The following MACROD2 variants were observed in gnomAD, a reference collection of about 807,000 sequenced individuals.
MACROD2 encodes mono-ADP ribosylhydrolase 2.
MACROD2 carries 36 observed loss-of-function variants against 70.4 expected under a neutral mutation model. That is an observed-to-expected ratio of 0.51 (90% CI 0.39 to 0.68). The LOEUF (loss-of-function observed/expected upper bound fraction) is 0.68. MACROD2 is among the 30% of genes least tolerant of loss of function. The pLI is 0.00. For synonymous variants in MACROD2, 172 were observed against 178.8 expected, an observed-to-expected ratio of 0.96 and a Z score of 0.30; for missense variants, 496 against 538.4, an observed-to-expected ratio of 0.92 and a Z score of 0.78.
chr20:14,492,607 G>GTAAC (rs1179528566), intron 3 of MACROD2, among the ~76,000 whole-genome samples: 3 of 151,946 alleles, frequency 2.0e-5, no homozygotes, highest in South Asian at 4.1e-4. Context: ...TAGTCTTTTG[G>GTAAC]TAACTCAGTT....
At chr20:15,184,214 T>A (rs2076519804) in intron 5 of MACROD2, among the ~76,000 whole-genome samples, 1 of 152,166 alleles carries the variant, frequency 6.6e-6, no homozygotes, top group Non-Finnish European at 1.5e-5. Context: ...TGCCCCTGCT[T>A]CATGATATCC....
chr20:15,016,612 CTT>C lies in MACROD2; in HGVS notation c.419-213327_419-213326del, dbSNP rs2075123644. Among the ~76,000 whole-genome samples the C allele has an allele frequency of 3.3e-5, 5 of 152,232 alleles. No individual in the cohort carries two copies. In the South Asian group the frequency reaches 1.0e-3, roughly 32 times the overall value. ...CCTGGCACGTCCCCCCTCTCTCTCT[CTT>C]GCTTCCTCTCTTGCCATGTGTATTA... On this transcript the variant is annotated intron_variant, in intron 5 of 17. Transcript: ENST00000684519.
chr20:16,030,723 T>C (rs1259105838), intron 15 of MACROD2, among the ~76,000 whole-genome samples: 1 of 152,010 alleles, frequency 6.6e-6, no homozygotes, highest in Non-Finnish European at 1.5e-5. Flanking sequence ...AAAGACCAAA[T>C]TACTGACAAA....
intron 8 of MACROD2, among the ~76,000 whole-genome samples, chr20:15,584,224 G>A (rs901457052): frequency 6.6e-6 from 1 of 152,182 alleles, no homozygotes; most frequent in African/African-American, 2.4e-5. Flanking sequence ...GAGAGTGGGG[G>A]CCAGGTTTAC....
At chr20:15,954,642 A>G (rs936148287) in intron 12 of MACROD2, among the ~76,000 whole-genome samples, 2 of 152,176 alleles carry the variant, frequency 1.3e-5, no homozygotes, top group African/African-American at 2.4e-5. Context: ...ATGGCCATCA[A>G]CAGATATTTA....
intron 6 of MACROD2, among the ~76,000 whole-genome samples, chr20:15,261,813 T>C (rs2077251729): frequency 6.6e-6 from 1 of 152,020 alleles, no homozygotes; most frequent in African/African-American, 2.4e-5. Flanking sequence ...TAATTGGACA[T>C]TGAAACCCAG....
chr20:14,821,660 C>T (rs1002820282), intron 5 of MACROD2, among the ~76,000 whole-genome samples: 1 of 152,076 alleles, frequency 6.6e-6, no homozygotes, highest in African/African-American at 2.4e-5. Flanking sequence ...TGGGCATGGT[C>T]CTTGAGTAGG....
Position 14,293,110 on chromosome 20 carries a change from G to A in MACROD2, c.272-200369G>A, listed in dbSNP as rs190757526. On this transcript the variant is annotated intron_variant, in intron 3 of 17. Transcript: ENST00000684519. The stretch of plus-strand genomic sequence containing the variant: ...CAGTGACTTTGTCAAGTTTAAAAGA[G>A]AGAATATATATTAACACAATTTGTA... 5.9e-5 allele frequency among the ~76,000 whole-genome samples: 9 copies of A among 151,744 alleles called. 1 individual carries two copies. In the East Asian group the frequency reaches 1.7e-3, roughly 29 times the overall value.
At chr20:15,369,711 A>G (rs1436600774) in intron 6 of MACROD2, among the ~76,000 whole-genome samples, 1 of 152,158 alleles carries the variant, frequency 6.6e-6, no homozygotes, top group African/African-American at 2.4e-5. Context: ...TGCAAAAAGA[A>G]GTGGAGAGGA....
chr20:14,836,759 A>C (rs892103068), intron 5 of MACROD2, among the ~76,000 whole-genome samples: 2 of 152,076 alleles, frequency 1.3e-5, no homozygotes, highest in Non-Finnish European at 2.9e-5. Context: ...TTACAGCTAT[A>C]TGCTAACTTT....
intron 15 of MACROD2, among the ~76,000 whole-genome samples, chr20:16,026,013 C>T (rs186974049): frequency 9.8e-4 from 147 of 150,296 alleles, no homozygotes; most frequent in African/African-American, 3.5e-3. Flanking sequence ...ATTAGCTGGG[C>T]GTGGTGGTGG....
At chr20:14,024,934 TCTGAAGG>T (rs1417908594) in intron 2 of MACROD2, among the ~76,000 whole-genome samples, 1 of 152,188 alleles carries the variant, frequency 6.6e-6, no homozygotes, top group East Asian at 1.9e-4. Context: ...TGGAATAGTT[TCTGAAGG>T]AATGGTACCA....
chr20:14,324,280 G>T (rs2082699904), intron 3 of MACROD2: 1 of 54,020 alleles, frequency 1.9e-5, no homozygotes, highest in African/African-American at 5.8e-5. Flanking sequence ...ATGCACTTTG[G>T]TTTTTTGTTG....
intron 5 of MACROD2, among the ~76,000 whole-genome samples, chr20:15,088,788 T>C (rs1237519418): frequency 2.0e-5 from 3 of 151,854 alleles, no homozygotes; most frequent in Non-Finnish European, 4.4e-5. Flanking sequence ...TCTATGTATG[T>C]GCACAGTACA....
chr20:14,158,808 A>G (rs1475838260), intron 3 of MACROD2, among the ~76,000 whole-genome samples: 4 of 152,118 alleles, frequency 2.6e-5, no homozygotes, highest in Non-Finnish European at 5.9e-5. Flanking sequence ...TTTGGTTTCT[A>G]TAGCCTTTTA....
chr20:14,830,085 A>G (rs2072947392), intron 5 of MACROD2, among the ~76,000 whole-genome samples: 1 of 152,152 alleles, frequency 6.6e-6, no homozygotes, highest in African/African-American at 2.4e-5. Flanking sequence ...TGTTGATGCA[A>G]ATATTACTAC....
At chr20:14,260,803 A>G (rs923491854) in intron 3 of MACROD2, among the ~76,000 whole-genome samples, 6 of 152,246 alleles carry the variant, frequency 3.9e-5, no homozygotes, top group Non-Finnish European at 8.8e-5. Flanking sequence ...TGATATATGT[A>G]AAGTTCTTAG....
intron 3 of MACROD2, among the ~76,000 whole-genome samples, chr20:14,436,936 T>G (rs1044776543): frequency 4.6e-5 from 7 of 152,220 alleles, no homozygotes; most frequent in Non-Finnish European, 1.0e-4. Flanking sequence ...GGTTTTTGTT[T>G]TTAGCATTAT....
At position 14,432,666 on chromosome 20, in the gene MACROD2, T is replaced by C. The variant is rs1459945738; in HGVS notation, c.272-60813T>C. Among the ~76,000 whole-genome samples, 9 of 152,238 alleles carry C rather than the reference T, an allele frequency of 5.9e-5. 1 individual carries two copies. The East Asian group carries it at 1.7e-3, about 29-fold the overall frequency. Reference sequence around the variant, plus strand: ...TATATTGAAGGCCAGTTACTAAAAATAGTTTATCTGGAGCACTTCAGGTAT... The same window carrying C: ...TATATTGAAGGCCAGTTACTAAAAACAGTTTATCTGGAGCACTTCAGGTAT... On this transcript the variant is annotated intron_variant, in intron 3 of 17. Coordinates refer to ENST00000684519, the MANE Select transcript of MACROD2 (RefSeq NM_001351661.2).
Sources: gnomAD v4.1 joint callset for allele counts (sites outside exome capture counted in the v4.1 genomes callset) on GRCh38, gnomAD v4.1.1 for gene constraint, MANE v1.5 for transcripts, NCBI Gene and HGNC (gene_info 2026-07-23, HGNC 2026-07-21) for gene names.